KCNIP4: variants seen among roughly 807,000 people sequenced by gnomAD.
The protein encoded by KCNIP4 is potassium voltage-gated channel interacting protein 4.
Under a neutral mutation model 34.0 loss-of-function variants are expected in KCNIP4, and 12 were observed. That is an observed-to-expected ratio of 0.35 (90% CI 0.23 to 0.57). The LOEUF is 0.57. Ranked by LOEUF, KCNIP4 falls within the 20% of genes least tolerant of loss-of-function variation. KCNIP4 has a pLI of 0.83. For synonymous variants in KCNIP4, 124 were observed against 102.2 expected, an observed-to-expected ratio of 1.21 and a Z score of -1.29; for missense variants, 238 against 311.7, an observed-to-expected ratio of 0.76 and a Z score of 1.78.
At chr4:21,281,435 C>T (rs1193563540) in intron 1 of KCNIP4, among the ~76,000 whole-genome samples, 1 of 152,100 alleles carries the variant, frequency 6.6e-6, no homozygotes, top group East Asian at 1.9e-4. Context: ...CTGGAATAGA[C>T]AGATACATAG....
chr4:21,429,883 G>A (rs1423514155), intron 1 of KCNIP4, among the ~76,000 whole-genome samples: 1 of 152,018 alleles, frequency 6.6e-6, no homozygotes, highest in Non-Finnish European at 1.5e-5. Flanking sequence ...TGTGTCCAAT[G>A]TAACATTAAT....
intron 1 of KCNIP4, among the ~76,000 whole-genome samples, chr4:21,087,397 C>G (rs904490452): frequency 6.6e-6 from 1 of 151,986 alleles, no homozygotes; most frequent in African/African-American, 2.4e-5. Flanking sequence ...AGGATAGTCT[C>G]AATCTTCCTG....
At chr4:21,814,114 T>C (rs1386839486) in intron 1 of KCNIP4, among the ~76,000 whole-genome samples, 3 of 152,134 alleles carry the variant, frequency 2.0e-5, no homozygotes, top group Non-Finnish European at 2.9e-5. Context: ...AGTCAGGTTT[T>C]CGAGGTCACA....
At chr4:21,550,234 T>G (rs1289942000) in intron 1 of KCNIP4, among the ~76,000 whole-genome samples, 1 of 152,066 alleles carries the variant, frequency 6.6e-6, no homozygotes, top group Non-Finnish European at 1.5e-5. Context: ...GCCCATAAAC[T>G]CTTCCTCCTC....
At chr4:21,450,775 T>G (rs1199420758) in intron 1 of KCNIP4, among the ~76,000 whole-genome samples, 1 of 152,156 alleles carries the variant, frequency 6.6e-6, no homozygotes, top group East Asian at 1.9e-4. Flanking sequence ...CCCTTGCCTA[T>G]CTATGGAAGT....
intron 1 of KCNIP4, among the ~76,000 whole-genome samples, chr4:21,719,478 A>C (rs1182868307): frequency 2.0e-5 from 3 of 152,164 alleles, no homozygotes; most frequent in Non-Finnish European, 4.4e-5. Flanking sequence ...CTTCATCAGG[A>C]CCAAGTTTTA....
chr4:21,003,429 A>G (rs1473541839), intron 1 of KCNIP4, among the ~76,000 whole-genome samples: 1 of 152,252 alleles, frequency 6.6e-6, no homozygotes, highest in East Asian at 1.9e-4. Flanking sequence ...TTGATTTCAT[A>G]TAAAAGCCAC....
intron 1 of KCNIP4, among the ~76,000 whole-genome samples, chr4:21,898,873 A>G (rs1418931916): frequency 6.6e-6 from 1 of 152,162 alleles, no homozygotes; most frequent in Non-Finnish European, 1.5e-5. Flanking sequence ...CTAGGCTCTT[A>G]GACAGCATTT....
Position 21,216,478 on chromosome 4 carries a change from A to G in KCNIP4, c.62-333769T>C, listed in dbSNP as rs73802504. ...TTATTTTGAGCTGGACCCTGTCTACATAATAGGTACTATACTAGTATTTGT... is the reference window on the plus strand; with the variant it reads ...TTATTTTGAGCTGGACCCTGTCTACGTAATAGGTACTATACTAGTATTTGT... On this transcript the variant is annotated intron_variant, in intron 1 of 8. Transcript: ENST00000382152. Among the ~76,000 whole-genome samples the G allele has an allele frequency of 9.0e-3, 1,375 of 152,340 alleles. 17 individuals carry two copies. Among genetic ancestry groups the G allele is most frequent in the African/African-American group, 0.031 (1,270 of 41,572 alleles).
chr4:21,600,026 C>A (rs1002952798), intron 1 of KCNIP4, among the ~76,000 whole-genome samples: 1 of 152,028 alleles, frequency 6.6e-6, no homozygotes, highest in African/African-American at 2.4e-5. Context: ...GTCCTCAGAT[C>A]ACATCTTAAG....
intron 1 of KCNIP4, among the ~76,000 whole-genome samples, chr4:21,571,388 G>A (rs890856412): frequency 9.2e-5 from 14 of 152,168 alleles, no homozygotes; most frequent in African/African-American, 3.4e-4. Flanking sequence ...CCTGATCCTA[G>A]CTGTTTATAA....
chr4:21,356,864 T>A (rs1718663212), intron 1 of KCNIP4, among the ~76,000 whole-genome samples: 1 of 151,818 alleles, frequency 6.6e-6, no homozygotes, highest in Admixed American at 6.6e-5. Flanking sequence ...GCCAAGATAA[T>A]CGTAAGCCAA....
intron 1 of KCNIP4, among the ~76,000 whole-genome samples, chr4:20,962,999 T>G: frequency 6.6e-6 from 1 of 152,128 alleles, no homozygotes; most frequent in Admixed American, 6.6e-5. Context: ...TTTTTTCTCT[T>G]AAGTTGCACA....
At chr4:21,474,692 G>T (rs1324030972) in intron 1 of KCNIP4, among the ~76,000 whole-genome samples, 1 of 151,878 alleles carries the variant, frequency 6.6e-6, no homozygotes, top group African/African-American at 2.4e-5. Flanking sequence ...GAGGAAACAA[G>T]CACATTAAAA....
intron 1 of KCNIP4, among the ~76,000 whole-genome samples, chr4:21,755,690 T>C (rs1461427832): frequency 1.3e-5 from 2 of 152,160 alleles, no homozygotes; most frequent in African/African-American, 4.8e-5. Context: ...ACTTAACTGG[T>C]CAAATATCTG....
chr4:20,827,402 T>C (rs1717893442), intron 3 of KCNIP4, among the ~76,000 whole-genome samples: 1 of 152,152 alleles, frequency 6.6e-6, no homozygotes, highest in Non-Finnish European at 1.5e-5. Flanking sequence ...TGCACGTCTC[T>C]CTGGGAATGC....
At chr4:21,664,632 T>C (rs1748702018) in intron 1 of KCNIP4, among the ~76,000 whole-genome samples, 1 of 152,174 alleles carries the variant, frequency 6.6e-6, no homozygotes, top group African/African-American at 2.4e-5. Flanking sequence ...CTTTGTTGTT[T>C]ATGATCTAGG....
intron 3 of KCNIP4, among the ~76,000 whole-genome samples, chr4:20,821,108 T>C (rs1447288755): frequency 6.6e-6 from 1 of 152,162 alleles, no homozygotes; most frequent in Non-Finnish European, 1.5e-5. Context: ...CCATGAGAGC[T>C]GCTGTGAGGG....
At chr4:21,518,373 A>G (rs1482706824) in intron 1 of KCNIP4, among the ~76,000 whole-genome samples, 1 of 152,062 alleles carries the variant, frequency 6.6e-6, no homozygotes, top group African/African-American at 2.4e-5. Context: ...AGTAGAAACC[A>G]TTTGCATTTT....
Sources: gnomAD v4.1 joint callset for allele counts (sites outside exome capture counted in the v4.1 genomes callset) on GRCh38, gnomAD v4.1.1 for gene constraint, MANE v1.5 for transcripts, NCBI Gene and HGNC (gene_info 2026-07-23, HGNC 2026-07-21) for gene names.